Variants in GALNT13 observed in about 807,000 individuals in gnomAD.
GALNT13 encodes polypeptide N-acetylgalactosaminyltransferase 13.
A neutral mutation model predicts 64.2 loss-of-function variants in GALNT13; 28 were observed. That is an observed-to-expected ratio of 0.44 (90% CI 0.32 to 0.60). The LOEUF is 0.60. Among genes scored for constraint, GALNT13 ranks in the 20% least tolerant of loss-of-function variants. The pLI is 0.05. For synonymous variants in GALNT13, 214 were observed against 224.6 expected (o/e 0.95, Z 0.42); for missense variants, 577 against 669.8 (o/e 0.86, Z 1.53).
chr2:153,433,182 A>G, the GALNT13 span, among the ~76,000 whole-genome samples: 1 of 152,178 alleles, frequency 6.6e-6, no homozygotes, highest in Admixed American at 6.6e-5. Flanking sequence ...GTAAAAATAA[A>G]AAGTCTCATC....
At chr2:153,282,339 G>T in the GALNT13 span, among the ~76,000 whole-genome samples, 208 of 152,132 alleles carry the variant, frequency 1.4e-3, no homozygotes, top group African/African-American at 4.8e-3. Flanking sequence ...GTACTTCCTT[G>T]CAGTCCATGC....
At chr2:154,381,864 A>G (rs906127834) in intron 9 of GALNT13, among the ~76,000 whole-genome samples, 2 of 152,090 alleles carry the variant, frequency 1.3e-5, no homozygotes, top group African/African-American at 4.8e-5. Context: ...TGCTGCCTTC[A>G]TCTTTTGACC....
At chr2:154,190,471 T>C (rs1344991375) in intron 4 of GALNT13, among the ~76,000 whole-genome samples, 4 of 152,222 alleles carry the variant, frequency 2.6e-5, no homozygotes, top group Non-Finnish European at 5.9e-5. Context: ...TTTGAACTTT[T>C]AGGTTCAGGG....
At chr2:153,525,256 AC>A in the GALNT13 span, among the ~76,000 whole-genome samples, 1 of 152,212 alleles carries the variant, frequency 6.6e-6, no homozygotes, top group Non-Finnish European at 1.5e-5. Context: ...ATACTAAGGT[AC>A]TACATTGAGG....
At chr2:154,132,766 A>G (rs1430545511) in intron 3 of GALNT13, among the ~76,000 whole-genome samples, 1 of 152,042 alleles carries the variant, frequency 6.6e-6, no homozygotes, top group Non-Finnish European at 1.5e-5. Flanking sequence ...GTGCTTGTGC[A>G]CACCTGTAAT....
intron 4 of GALNT13, among the ~76,000 whole-genome samples, chr2:154,231,630 A>C (rs1688920468): frequency 6.6e-6 from 1 of 151,648 alleles, no homozygotes; most frequent in South Asian, 2.1e-4. Flanking sequence ...ATTCCTTTTG[A>C]AGTTCTATTT....
rs141357639 is a variant in GALNT13 at position 154,439,098 on chromosome 2, A to C, written c.1530+372A>C. Among the ~76,000 whole-genome samples the C allele has an allele frequency of 2.7e-3, 415 of 152,328 alleles. 3 individuals are homozygous for C. Among genetic ancestry groups the C allele is most frequent in the African/African-American group, 8.7e-3 (362 of 41,580 alleles). ...CATATTTTCAAATTTTAAATTTTAC[A>C]ATACTAATCACTGACATTTATGTTC... is the stretch of plus-strand genomic sequence containing the variant. On this transcript the variant is annotated intron_variant, in intron 12 of 12. Coordinates refer to ENST00000392825, the MANE Select transcript of GALNT13 (RefSeq NM_052917.4).
chr2:153,889,459 G>A (rs1263622095), intron 1 of GALNT13, among the ~76,000 whole-genome samples: 2 of 151,882 alleles, frequency 1.3e-5, no homozygotes, highest in East Asian at 3.9e-4. Flanking sequence ...ACTACTACAT[G>A]TAGTGGGAGT....
At position 154,336,843 on chromosome 2, in the gene GALNT13, C is replaced by G. The variant is rs972523998; in HGVS notation, c.1156+35254C>G. Reference sequence around the variant, plus strand: ...CTCTCTCTGCAGTGGGACTTCTTGACTACAAGGTCCTTTTGGTACACAACT... The same window carrying G: ...CTCTCTCTGCAGTGGGACTTCTTGAGTACAAGGTCCTTTTGGTACACAACT... On this transcript the variant is annotated intron_variant, in intron 9 of 12. Coordinates refer to ENST00000392825, the MANE Select transcript of GALNT13 (RefSeq NM_052917.4). 2.6e-5 allele frequency among the ~76,000 whole-genome samples: 4 copies of G among 152,014 alleles called. No homozygotes were observed. The East Asian group carries it at 7.7e-4, about 29-fold the overall frequency.
the GALNT13 span, among the ~76,000 whole-genome samples, chr2:153,731,704 G>T: frequency 6.6e-6 from 1 of 151,768 alleles, no homozygotes; most frequent in African/African-American, 2.4e-5. Context: ...CAAAACTAAG[G>T]TTTCAAGCGA....
intron 4 of GALNT13, among the ~76,000 whole-genome samples, chr2:154,171,271 A>G (rs1224382705): frequency 6.6e-6 from 1 of 152,130 alleles, no homozygotes; most frequent in Non-Finnish European, 1.5e-5. Flanking sequence ...ATGGGGAAGG[A>G]TGGGAGGGAA....
the GALNT13 span, among the ~76,000 whole-genome samples, chr2:153,735,743 A>C: frequency 6.6e-6 from 1 of 152,208 alleles, no homozygotes; most frequent in African/African-American, 2.4e-5. Context: ...ATTTTGCAGA[A>C]TATCCCTCAA....
rs1480034836 is a variant in GALNT13 at position 154,355,412 on chromosome 2, G to A, written c.1157-40579G>A. Among the ~76,000 whole-genome samples, 5 of 152,202 alleles carry A rather than the reference G, an allele frequency of 3.3e-5. No individual in the cohort carries two copies. In the East Asian group the frequency reaches 9.7e-4, roughly 29 times the overall value. On this transcript the variant is annotated intron_variant, in intron 9 of 12. Transcript: ENST00000392825. ...CCTTCCTTGAATATGCAAGATATGA[G>A]TTCTTAAATAGTTTTAGTTCACGAA...
chr2:153,287,238 G>A, the GALNT13 span, among the ~76,000 whole-genome samples: 9 of 152,132 alleles, frequency 5.9e-5, no homozygotes, highest in African/African-American at 2.2e-4. Context: ...CATGCAGACG[G>A]GCAAGTCCTG....
the GALNT13 span, among the ~76,000 whole-genome samples, chr2:153,282,087 G>C: frequency 6.6e-6 from 1 of 151,194 alleles, no homozygotes; most frequent in Admixed American, 6.6e-5. Flanking sequence ...TTCTCAAATA[G>C]TTTCTTCATT....
At chr2:154,253,119 A>G (rs1288290449) in intron 7 of GALNT13, among the ~76,000 whole-genome samples, 1 of 152,154 alleles carries the variant, frequency 6.6e-6, no homozygotes, top group African/African-American at 2.4e-5. Flanking sequence ...ATTAACTCAC[A>G]TGATCCACAT....
the GALNT13 span, among the ~76,000 whole-genome samples, chr2:153,619,571 C>G: frequency 6.6e-6 from 1 of 151,894 alleles, no homozygotes; most frequent in African/African-American, 2.4e-5. Flanking sequence ...ATTAAAGTAC[C>G]CCCTTTAGCA....
intron 7 of GALNT13, among the ~76,000 whole-genome samples, chr2:154,247,679 C>A (rs1689852773): frequency 6.6e-6 from 1 of 151,992 alleles, no homozygotes; most frequent in South Asian, 2.1e-4. Context: ...AAAGATGAAT[C>A]ATCTAACTTC....
At chr2:153,827,645 G>T in the GALNT13 span, among the ~76,000 whole-genome samples, 6 of 136,074 alleles carry the variant, frequency 4.4e-5, no homozygotes, top group South Asian at 4.8e-4. Context: ...AAAAAAAAAC[G>T]ATTTGGGTGG....
Sources: allele counts gnomAD v4.1 joint callset (sites outside exome capture counted in the v4.1 genomes callset), GRCh38; gene constraint gnomAD v4.1.1; transcripts MANE v1.5; gene names NCBI Gene and HGNC (gene_info 2026-07-23, HGNC 2026-07-21).